Variants in LRRFIP2 observed in about 807,000 individuals in gnomAD.
The protein encoded by LRRFIP2 is leucine-rich repeat flightless-interacting protein 2.
In LRRFIP2, 109 loss-of-function variants were observed where a neutral mutation model predicts 125.9. The ratio of observed to expected loss-of-function variants is 0.87; its 90% CI spans 0.74 to 1.01. The LOEUF is 1.01. Among genes scored for constraint, LRRFIP2 ranks in the 50% least tolerant of loss-of-function variants. LRRFIP2 has a pLI of 0.00. For synonymous variants in LRRFIP2, 291 were observed against 293.1 expected (o/e 0.99, Z 0.07); for missense variants, 850 against 862.3 (o/e 0.99, Z 0.18).
intron 6 of LRRFIP2, among the ~76,000 whole-genome samples, chr3:37,117,029 A>G (rs1490708398): frequency 6.6e-6 from 1 of 151,918 alleles, no homozygotes. Flanking sequence ...ACTGTGTAGT[A>G]GTAAAATGTC....
At chr3:37,089,835 G>T (rs139430119) in intron 18 of LRRFIP2, among the ~76,000 whole-genome samples, 1 of 152,048 alleles carries the variant, frequency 6.6e-6, no homozygotes, top group Non-Finnish European at 1.5e-5. Context: ...TTCAAAAGTC[G>T]TATCTCTAAA....
chr3:37,075,620 A>G (rs946842857), intron 19 of LRRFIP2, among the ~76,000 whole-genome samples: 6 of 152,162 alleles, frequency 3.9e-5, no homozygotes, highest in Admixed American at 3.9e-4. Context: ...ACATTATAAA[A>G]ATGCCAGTTC....
intron 13 of LRRFIP2, among the ~76,000 whole-genome samples, chr3:37,107,618 C>T (rs2094389875): frequency 6.6e-6 from 1 of 152,034 alleles, no homozygotes; most frequent in Non-Finnish European, 1.5e-5. Flanking sequence ...ATAATTGTCC[C>T]AGTTTTGTCT....
chr3:37,109,776 G>C, intron 9 of LRRFIP2, 73 bp from the exon 10 acceptor site: 1 of 1,313,712 alleles, frequency 7.6e-7, no homozygotes, highest in Non-Finnish European at 1.1e-6. Flanking sequence ...CATGAATGCA[G>C]AGGACTTAAG....
chr3:37,147,105 A>T (rs6773801), intron 2 of LRRFIP2, among the ~76,000 whole-genome samples: 4,708 of 152,300 alleles, frequency 0.031, 233 homozygotes, highest in African/African-American at 0.1. Context: ...ACAAACATGA[A>T]AAAAAGCTCA....
intron 13 of LRRFIP2, among the ~76,000 whole-genome samples, chr3:37,106,103 C>G (rs2094311789): frequency 6.6e-6 from 1 of 152,126 alleles, no homozygotes; most frequent in African/African-American, 2.4e-5. Flanking sequence ...GTAAGCCAAC[C>G]AAAACCAGCT....
At chr3:37,065,681 T>C in intron 23 of LRRFIP2, 129 bp downstream of exon 23, 1 of 1,136,004 alleles carries the variant, frequency 8.8e-7, no homozygotes, top group Non-Finnish European at 1.3e-6. Flanking sequence ...GTGCCCAGAT[T>C]CTTCTAGTTA....
At chr3:37,071,781 C>T (rs1299183268) in intron 21 of LRRFIP2, among the ~76,000 whole-genome samples, 2 of 152,170 alleles carry the variant, frequency 1.3e-5, no homozygotes, top group Non-Finnish European at 2.9e-5. Context: ...ACAAGGTAAG[C>T]CTCTGGCAAC....
intron 1 of LRRFIP2, among the ~76,000 whole-genome samples, chr3:37,172,299 C>T (rs745872062): frequency 1.1e-4 from 16 of 151,836 alleles, no homozygotes; most frequent in Admixed American, 6.6e-5. Flanking sequence ...AAATAAATTA[C>T]GGAAAATGAA....
chr3:37,112,277 A>G (rs1157220323), intron 8 of LRRFIP2, among the ~76,000 whole-genome samples: 1 of 150,784 alleles, frequency 6.6e-6, no homozygotes, highest in African/African-American at 2.4e-5. Flanking sequence ...TGGAGGTTGC[A>G]GTGAGCCGAG....
At chr3:37,100,983 AAT>A (rs1267014575) in intron 15 of LRRFIP2, among the ~76,000 whole-genome samples, 1 of 152,234 alleles carries the variant, frequency 6.6e-6, no homozygotes, top group Admixed American at 6.5e-5. Flanking sequence ...ACAGTTCAGA[AAT>A]AGTTATTTAA....
intron 2 of LRRFIP2, chr3:37,135,208 C>A: frequency 2.6e-6 from 2 of 767,018 alleles, no homozygotes; most frequent in Non-Finnish European, 4.2e-6. Flanking sequence ...CACCTGTAAT[C>A]CTAGCACTTT....
In LRRFIP2 at chr3:37,063,759, C is replaced by T. The variant is rs1180781078; in HGVS notation, c.1732G>A (p.Glu578Lys). Reference protein sequence around the residue: ...VRLRKLAGEKEELLSQIRKLK... With the variant: ...VRLRKLAGEKKELLSQIRKLK... ...GCCTTTACCTGTGACAGTAGTTCTT[C>T]CTTCTCTCCAGCAAGTTTTCGTAGC... Residue 578 changes from glutamate (E) to lysine (K), a missense_variant, in exon 24 of 28, where the codon GAA becomes AAA. Transcript: ENST00000336686. 1 of 1,611,942 alleles carries T rather than the reference C, an allele frequency of 6.2e-7. No individual in the cohort carries two copies. The highest frequency in any genetic ancestry group is 8.5e-7 in the Non-Finnish European group (1 of 1,178,200).
At chr3:37,120,389 GC>G (rs1273120990) in intron 6 of LRRFIP2, among the ~76,000 whole-genome samples, 1 of 152,092 alleles carries the variant, frequency 6.6e-6, no homozygotes, top group Non-Finnish European at 1.5e-5. Context: ...ACAGGTGTGA[GC>G]CACCGTGCCT....
intron 6 of LRRFIP2, among the ~76,000 whole-genome samples, chr3:37,121,185 C>G (rs1377158710): frequency 4.6e-5 from 7 of 152,070 alleles, no homozygotes; most frequent in African/African-American, 1.7e-4. Context: ...TAGAACCAAA[C>G]AAATGTTATT....
chr3:37,063,786 T>C lies in LRRFIP2; in HGVS notation c.1705A>G (p.Arg569Gly). ...TTCTCTCCAGCAAGTTTTCGTAGCCTTACATCTAAAACAAATGAAAAAGAT... is the reference window on the plus strand; with the variant it reads ...TTCTCTCCAGCAAGTTTTCGTAGCCCTACATCTAAAACAAATGAAAAAGAT... Reference protein sequence around the residue: ...ESAGEGPLDVRLRKLAGEKEE... With the variant: ...ESAGEGPLDVGLRKLAGEKEE... The change falls in exon 24 of 28, where the codon AGG becomes GGG. Residue 569 changes from arginine to glycine, a missense_variant. Physicochemically the swap from Arg to Gly is moderately radical, Grantham distance 125. Transcript: ENST00000336686. The C allele has an allele frequency of 6.2e-7, 1 of 1,610,440 alleles. No individual in the cohort carries two copies. Among genetic ancestry groups the C allele is most frequent in the South Asian group, 1.1e-5 (1 of 90,986 alleles).
chr3:37,080,493 C>T (rs75636567), intron 19 of LRRFIP2, among the ~76,000 whole-genome samples: 8,383 of 151,918 alleles, frequency 0.055, 317 homozygotes, highest in African/African-American at 0.1. Flanking sequence ...TTTGCAGCCC[C>T]TAGTCAATTA....
chr3:37,118,485 A>C (rs962421532), intron 6 of LRRFIP2, among the ~76,000 whole-genome samples: 1 of 152,244 alleles, frequency 6.6e-6, no homozygotes, highest in African/African-American at 2.4e-5. Flanking sequence ...CATTATACAA[A>C]ACTAATAGAC....
rs961992398 is a variant in LRRFIP2, at chr3:37,141,008, C to A, written c.90+7886G>T. On this transcript the variant is annotated intron_variant, in intron 2 of 27. Coordinates refer to ENST00000336686, the MANE Select transcript of LRRFIP2 (RefSeq NM_006309.4). ...TGACCAGCCTAGGCAACAAAGCAAA[C>A]CCCCATCTCTACAAAAAATACAAAA... 7.2e-5 allele frequency among the ~76,000 whole-genome samples: 11 copies of A among 151,994 alleles called. No individual in the cohort carries two copies. The East Asian group carries it at 1.5e-3, about 21-fold the overall frequency.
Sources: gnomAD v4.1 joint callset for allele counts (sites outside exome capture counted in the v4.1 genomes callset) on GRCh38, gnomAD v4.1.1 for gene constraint, MANE v1.5 for transcripts, NCBI Gene and HGNC (gene_info 2026-07-23, HGNC 2026-07-21) for gene names.